Variants in CLEC9A observed in about 807,000 individuals in gnomAD.
CLEC9A encodes C-type lectin domain family 9 member A.
CLEC9A carries 24 observed loss-of-function variants against 30.0 expected under a neutral mutation model. That is an observed-to-expected ratio of 0.80 (90% CI 0.58 to 1.13). CLEC9A has a LOEUF of 1.13. Ranked by LOEUF, CLEC9A falls within the 50% of genes most tolerant of loss-of-function variation. CLEC9A has a pLI of 0.00. For synonymous variants in CLEC9A, 111 were observed against 96.8 expected (o/e 1.15, Z -0.86); for missense variants, 251 against 280.9 (o/e 0.89, Z 0.76).
chr12:10,060,326 G>C (rs1475585389), intron 5 of CLEC9A, among the ~76,000 whole-genome samples: 1 of 152,204 alleles, frequency 6.6e-6, no homozygotes, highest in Non-Finnish European at 1.5e-5. Context: ...TGGATGAACA[G>C]TTAAACTAGT....
intron 1 of CLEC9A, among the ~76,000 whole-genome samples, chr12:10,033,958 A>G (rs1161338253): frequency 6.6e-6 from 1 of 152,250 alleles, no homozygotes; most frequent in Non-Finnish European, 1.5e-5. Context: ...CTAAAAGCAG[A>G]AGAAAAATAA....
Position 10,061,216 on chromosome 12 carries a change from A to G in CLEC9A, c.262A>G (p.Ser88Gly). 1 of 1,612,210 alleles carries G rather than the reference A, an allele frequency of 6.2e-7. No individual in the cohort carries two copies. The highest frequency in any genetic ancestry group is 1.7e-5 in the Admixed American group (1 of 59,508). The stretch of plus-strand genomic sequence containing the variant: ...GCTAAACTTTACAGAATGGAAGAGA[A>G]GCTGTGCCCTTCAGATGAAATATTG... ...ALLNFTEWKRSCALQMKYCQA... is the reference protein window; with the variant it reads ...ALLNFTEWKRGCALQMKYCQA... The change falls in exon 6 of 9, where the codon AGC (serine) becomes GGC (glycine). Residue 88 changes from serine (S) to glycine (G), a missense_variant. Ser to Gly is a moderately conservative substitution (Grantham distance 56). Coordinates refer to ENST00000355819, the MANE Select transcript of CLEC9A (RefSeq NM_207345.4).
chr12:10,065,543 T>C lies in CLEC9A; in HGVS notation c.637T>C (p.Tyr213His), dbSNP rs1397924979. The C allele has an allele frequency of 6.2e-7, 1 of 1,613,984 alleles. No individual in the cohort carries two copies. The highest frequency in any genetic ancestry group is 8.5e-7 in the Non-Finnish European group (1 of 1,179,880). The change falls in exon 9 of 9, where the codon TAC becomes CAC. Residue 213 changes from tyrosine to histidine, a missense_variant. Coordinates refer to ENST00000355819, the MANE Select transcript of CLEC9A (RefSeq NM_207345.4). ...RSQSANQVCG[Y>H]VKSNSLLSSN... Reference sequence around the variant, plus strand: ...CCAGTCAGCTAACCAAGTCTGTGGATACGTGAAAAGCAATTCCCTTCTTTC... The same window carrying C: ...CCAGTCAGCTAACCAAGTCTGTGGACACGTGAAAAGCAATTCCCTTCTTTC...
At chr12:10,036,229 ATTAAC>A (rs1253162695) in intron 1 of CLEC9A, among the ~76,000 whole-genome samples, 1 of 152,204 alleles carries the variant, frequency 6.6e-6, no homozygotes, top group African/African-American at 2.4e-5. Context: ...TGTTTGGTGT[ATTAAC>A]TTTTAATAAA....
chr12:10,047,071 T>A (rs1217591998), intron 2 of CLEC9A, among the ~76,000 whole-genome samples: 2 of 152,212 alleles, frequency 1.3e-5, no homozygotes, highest in African/African-American at 4.8e-5. Context: ...TTTATCTTTT[T>A]TCTAGACTAT....
At chr12:10,039,975 A>C (rs1334658092) in intron 1 of CLEC9A, among the ~76,000 whole-genome samples, 1 of 152,144 alleles carries the variant, frequency 6.6e-6, no homozygotes. Context: ...GGTGTGCACC[A>C]CCACAGCTGG....
intron 6 of CLEC9A, among the ~76,000 whole-genome samples, chr12:10,061,838 G>A (rs933308835): frequency 6.6e-5 from 10 of 152,088 alleles, no homozygotes; most frequent in African/African-American, 2.4e-4. Context: ...CATATAGTTT[G>A]CCATGTATTC....
intron 2 of CLEC9A, among the ~76,000 whole-genome samples, chr12:10,048,218 C>T (rs1350821535): frequency 1.4e-5 from 2 of 144,578 alleles, no homozygotes; most frequent in East Asian, 2.0e-4. Context: ...CCGGCCTGGG[C>T]GACAGAGCGA....
intron 6 of CLEC9A, among the ~76,000 whole-genome samples, chr12:10,062,618 A>G (rs1467443700): frequency 6.6e-6 from 1 of 152,174 alleles, no homozygotes; most frequent in Non-Finnish European, 1.5e-5. Flanking sequence ...TAGCTCTCAG[A>G]ATTTAAACAT....
intron 2 of CLEC9A, among the ~76,000 whole-genome samples, chr12:10,046,649 A>G (rs1865849010): frequency 6.6e-6 from 1 of 152,218 alleles, no homozygotes; most frequent in African/African-American, 2.4e-5. Flanking sequence ...TAGTGAATAC[A>G]ATTTATAAAC....
chr12:10,050,206 C>A (rs76400296), intron 2 of CLEC9A, among the ~76,000 whole-genome samples: 1 of 151,838 alleles, frequency 6.6e-6, no homozygotes, highest in African/African-American at 2.4e-5. Context: ...GGTGGGTCCC[C>A]CAAACAATTA....
intron 2 of CLEC9A, among the ~76,000 whole-genome samples, chr12:10,047,136 G>T (rs1381266782): frequency 1.3e-5 from 2 of 152,140 alleles, no homozygotes; most frequent in Admixed American, 6.5e-5. Flanking sequence ...CACCTCAAAT[G>T]TTACTTGCTA....
At chr12:10,065,150 CTA>C (rs1866032319) in intron 8 of CLEC9A, among the ~76,000 whole-genome samples, 1 of 152,070 alleles carries the variant, frequency 6.6e-6, no homozygotes, top group Non-Finnish European at 1.5e-5. Context: ...TAGAGAATAA[CTA>C]TTTATTTCCA....
At chr12:10,038,385 C>T (rs1395197060) in intron 1 of CLEC9A, among the ~76,000 whole-genome samples, 2 of 152,088 alleles carry the variant, frequency 1.3e-5, no homozygotes, top group South Asian at 2.1e-4. Context: ...ACAAAGAATT[C>T]AGAGTGAAGG....
chr12:10,065,206 T>TCAGGTGTG (rs1393343081), intron 8 of CLEC9A, among the ~76,000 whole-genome samples: 2 of 152,182 alleles, frequency 1.3e-5, no homozygotes, highest in Admixed American at 1.3e-4. Context: ...AGAAGCAGAA[T>TCAGGTGTG]CAGGTGCCTT....
At position 10,065,554 on chromosome 12, in the gene CLEC9A, C is replaced by T; in HGVS notation, c.648C>T (p.Ser216=). 1.2e-6 allele frequency: 2 copies of T among 1,613,986 alleles called. No homozygotes were observed. The highest frequency in any genetic ancestry group is 1.7e-6 in the Non-Finnish European group (2 of 1,179,886). ...ACCAAGTCTGTGGATACGTGAAAAG[C>T]AATTCCCTTCTTTCGTCTAACTGCA... ...SANQVCGYVK[S]NSLLSSNCST... The change falls in exon 9 of 9, where the codon AGC becomes AGT. Residue 216 remains serine, a synonymous_variant. Coordinates refer to ENST00000355819, the MANE Select transcript of CLEC9A (RefSeq NM_207345.4).
chr12:10,063,025 G>A, intron 6 of CLEC9A, 30 bp from the exon 7 acceptor site: 2 of 1,556,708 alleles, frequency 1.3e-6, no homozygotes, highest in South Asian at 1.2e-5. Context: ...TTTACAATAA[G>A]ATACTAAAGT....
At chr12:10,038,404 G>C (rs2137297131) in intron 1 of CLEC9A, among the ~76,000 whole-genome samples, 1 of 152,178 alleles carries the variant, frequency 6.6e-6, no homozygotes, top group Non-Finnish European at 1.5e-5. Flanking sequence ...GGAGATAGCA[G>C]GGAGAAAAAA....
At position 10,065,854 on chromosome 12, in the gene CLEC9A, A is replaced by C. The variant is rs1866041528; in HGVS notation, c.*222A>C. The C allele has an allele frequency of 2.1e-6, 1 of 470,124 alleles. No individual in the cohort carries two copies. Among genetic ancestry groups the C allele is most frequent in the Non-Finnish European group, 3.8e-6 (1 of 265,808 alleles). The allele number at this position is 470,124 out of a possible 1,614,324, so 29.1% of individuals were successfully genotyped here. A position where few individuals can be genotyped will look rare whatever the true frequency, so the allele number is the denominator to read the frequency against. On this transcript the variant is annotated 3_prime_UTR_variant, in exon 9 of 9. Coordinates refer to ENST00000355819, the MANE Select transcript of CLEC9A (RefSeq NM_207345.4). ...AAGAGTAAAACTTATTTAGAGCTACAGAAGACAAAACCCTGAAGAGTTAAG... is the reference window on the plus strand; with the variant it reads ...AAGAGTAAAACTTATTTAGAGCTACCGAAGACAAAACCCTGAAGAGTTAAG...
Sources: allele counts gnomAD v4.1 joint callset (sites outside exome capture counted in the v4.1 genomes callset), GRCh38; gene constraint gnomAD v4.1.1; transcripts MANE v1.5; gene names NCBI Gene and HGNC (gene_info 2026-07-23, HGNC 2026-07-21).